Variants in MILR1 observed in about 807,000 individuals in gnomAD.
MILR1 encodes the protein mast cell immunoglobulin like receptor 1.
Under a neutral mutation model 18.5 loss-of-function variants are expected in MILR1, and 31 were observed. That is an observed-to-expected ratio of 1.68 (90% CI 1.26 to 2.26). The LOEUF (loss-of-function observed/expected upper bound fraction) is 2.26. Among genes scored for constraint, MILR1 ranks in the 30% most tolerant of loss-of-function variants. The probability of loss-of-function intolerance (pLI) is 0.00; values close to 1 mark genes in which losing one functional copy is unlikely to be tolerated. For missense variants in MILR1, 257 were observed against 157.4 expected (o/e 1.63, Z -3.38); for synonymous variants, 85 against 56.2 (o/e 1.51, Z -2.30).
the MILR1 span, chr17:64,491,393 G>C: frequency 1.5e-5 from 9 of 619,084 alleles, no homozygotes; most frequent in Non-Finnish European, 2.4e-5. Context: ...TTAGGACTTC[G>C]AGACCAGCCT....
At chr17:64,482,405 T>A in the MILR1 span, among the ~76,000 whole-genome samples, 1 of 150,352 alleles carries the variant, frequency 6.7e-6, no homozygotes, top group African/African-American at 2.5e-5. Flanking sequence ...CACTGCAACC[T>A]CTGCCTCCTA....
At chr17:64,463,817 ATTTTTTTT>A (rs1200586705) in intron 5 of MILR1, among the ~76,000 whole-genome samples, 4 of 103,922 alleles carry the variant, frequency 3.8e-5, no homozygotes, top group African/African-American at 8.1e-5. Flanking sequence ...CTCCTGGCTA[ATTTTTTTT>A]TTTTTTTTTT....
At chr17:64,480,503 T>G in the MILR1 span, 1 of 541,612 alleles carries the variant, frequency 1.8e-6, no homozygotes. Context: ...TGGGTATGTT[T>G]CTTTAATTAT....
At chr17:64,497,162 C>T in the MILR1 span, 2 of 657,868 alleles carry the variant, frequency 3.0e-6, no homozygotes, top group Non-Finnish European at 2.7e-6. Context: ...CCATGGCGGA[C>T]GCCGGCTCGG....
chr17:64,488,640 T>A, the MILR1 span, among the ~76,000 whole-genome samples: 1 of 152,236 alleles, frequency 6.6e-6, no homozygotes, highest in Non-Finnish European at 1.5e-5. Context: ...TTAACTATGA[T>A]AATAACCAAT....
At chr17:64,455,620 A>ATTTTT (rs878942450) in intron 3 of MILR1, among the ~76,000 whole-genome samples, 8 of 143,876 alleles carry the variant, frequency 5.6e-5, no homozygotes, top group Admixed American at 2.8e-4. Context: ...CGCCTGGCTA[A>ATTTTT]TTTTTTTTTT....
At chr17:64,470,389 C>T (rs1202962299), downstream of MILR1, among the ~76,000 whole-genome samples, 10 of 152,108 alleles carry the variant, frequency 6.6e-5, no homozygotes, top group African/African-American at 2.4e-4. Flanking sequence ...CTATTGCGCC[C>T]GGCAATATGA....
downstream of MILR1, among the ~76,000 whole-genome samples, chr17:64,470,479 C>A (rs543407699): frequency 1.3e-5 from 2 of 152,296 alleles, no homozygotes; most frequent in African/African-American, 4.8e-5. Context: ...GTATAACTTA[C>A]CACAATAATT....
chr17:64,489,614 G>A, the MILR1 span, among the ~76,000 whole-genome samples: 5 of 152,034 alleles, frequency 3.3e-5, no homozygotes, highest in African/African-American at 1.2e-4. Flanking sequence ...TAAACCATCA[G>A]TCGGGCATGG....
At position 64,458,659 on chromosome 17, in the gene MILR1, C is replaced by G. The variant is rs201195915; in HGVS notation, c.652+975C>G. ...AGCCCTGTGTTTAGTGGGCTCTGGTCTGGTACCTCCAGGCTATGCACCTTC... is the reference window on the plus strand; with the variant it reads ...AGCCCTGTGTTTAGTGGGCTCTGGTGTGGTACCTCCAGGCTATGCACCTTC... On this transcript the variant is annotated intron_variant, in intron 4 of 9. Coordinates refer to ENST00000619286, the MANE Select transcript of MILR1 (RefSeq NM_001085423.2). Among the ~76,000 whole-genome samples the G allele has an allele frequency of 8.8e-3, 1,337 of 152,096 alleles. 16 individuals carry two copies. The highest frequency in any genetic ancestry group is 0.014 in the Non-Finnish European group (962 of 67,994).
chr17:64,464,855 C>T (rs1482221354), intron 5 of MILR1, among the ~76,000 whole-genome samples: 2 of 152,198 alleles, frequency 1.3e-5, no homozygotes, highest in Non-Finnish European at 2.9e-5. Context: ...AACCAGGATG[C>T]GGAGGTTGCG....
chr17:64,481,238 T>C, the MILR1 span: 1 of 976,768 alleles, frequency 1.0e-6, no homozygotes, highest in Non-Finnish European at 1.2e-6. Context: ...TTAGGGAGGC[T>C]GCCATACCCT....
chr17:64,495,845 A>G, the MILR1 span, among the ~76,000 whole-genome samples: 1 of 151,924 alleles, frequency 6.6e-6, no homozygotes, highest in Non-Finnish European at 1.5e-5. Flanking sequence ...AGTAGCTGGG[A>G]TTACAGGCGC....
intron 2 of MILR1, among the ~76,000 whole-genome samples, chr17:64,449,942 C>CT (rs1408591907): frequency 1.1e-5 from 1 of 94,266 alleles, no homozygotes; most frequent in African/African-American, 5.0e-5. Context: ...TTCTTTCTTT[C>CT]TTTCTTTTTT....
chr17:64,461,602 G>A (rs1039188515), intron 5 of MILR1, among the ~76,000 whole-genome samples: 8 of 152,024 alleles, frequency 5.3e-5, no homozygotes, highest in African/African-American at 1.9e-4. Flanking sequence ...ATTGTTAATG[G>A]TGGTAAAATA....
At chr17:64,464,243 A>G (rs1186813509) in intron 5 of MILR1, among the ~76,000 whole-genome samples, 2 of 146,892 alleles carry the variant, frequency 1.4e-5, no homozygotes, top group African/African-American at 2.5e-5. Context: ...CAGCTACCTG[A>G]GTAGTTGGGA....
At chr17:64,458,308 G>C (rs1020090176) in intron 4 of MILR1, among the ~76,000 whole-genome samples, 8 of 151,474 alleles carry the variant, frequency 5.3e-5, no homozygotes, top group African/African-American at 1.9e-4. Flanking sequence ...TGCCTCCCAG[G>C]TTCTAGAGAT....
At chr17:64,492,666 C>A in the MILR1 span, 1 of 1,579,500 alleles carries the variant, frequency 6.3e-7, no homozygotes. Context: ...TATTGCAGTA[C>A]CTTTCTCCAC....
chr17:64,474,788 G>A, the MILR1 span, among the ~76,000 whole-genome samples: 1 of 152,136 alleles, frequency 6.6e-6, no homozygotes, highest in African/African-American at 2.4e-5. Context: ...AGTATCCAAA[G>A]TATGGTGTCC....
Sources: allele counts gnomAD v4.1 joint callset (sites outside exome capture counted in the v4.1 genomes callset), GRCh38; gene constraint gnomAD v4.1.1; transcripts MANE v1.5; gene names NCBI Gene and HGNC (gene_info 2026-07-23, HGNC 2026-07-21).